Variants in TYR observed in about 807,000 individuals in gnomAD.
TYR encodes the protein LB24-AB.
In TYR, 58 loss-of-function variants were observed where a neutral mutation model predicts 51.5. The observed-to-expected ratio is 1.13, with a 90% CI of 0.91 to 1.40. The LOEUF (loss-of-function observed/expected upper bound fraction) is 1.40, where lower values mean the gene tolerates loss of function less well. Ranked by LOEUF, TYR falls within the 40% of genes most tolerant of loss-of-function variation. The pLI is 0.00. For missense variants in TYR, 732 were observed against 647.4 expected, an observed-to-expected ratio of 1.13 and a Z score of -1.42; for synonymous variants, 263 against 235.2, an observed-to-expected ratio of 1.12 and a Z score of -1.08.
intron 3 of TYR, among the ~76,000 whole-genome samples, chr11:89,251,132 A>G (rs1944326710): frequency 6.6e-6 from 1 of 151,970 alleles, no homozygotes; most frequent in African/African-American, 2.4e-5. Context: ...CAGGTACTAT[A>G]AAACATATGG....
Position 89,249,288 on chromosome 11 carries a change from A to G in TYR, c.1184+21318A>G, listed in dbSNP as rs143363423. ...AATTATTTAGCATTATTTAAAATCA[A>G]TGGAGTGAATGAGGTCACAGAAATT... On this transcript the variant is annotated intron_variant, in intron 3 of 4. Transcript: ENST00000263321. 5.9e-3 allele frequency among the ~76,000 whole-genome samples: 893 copies of G among 152,098 alleles called. 8 individuals carry two copies. The highest frequency in any genetic ancestry group is 0.02 in the African/African-American group (829 of 41,530).
chr11:89,191,319 CCCTCTTCAG>C lies in TYR; in HGVS notation c.939_947del (p.Ser314_Ala316del). 1 of 1,613,726 alleles carries C rather than the reference CCCTCTTCAG, an allele frequency of 6.2e-7. No individual in the cohort carries two copies. Among genetic ancestry groups the C allele is most frequent in the African/African-American group, 1.3e-5 (1 of 74,982 alleles). ...TGACAAATCCAGAACCCCAAGGCTC[CCCTCTTCAG>C]CTGATGTAGAATTTTGCCTGAGTTT... On this transcript the variant is annotated inframe_deletion, in exon 2 of 5. Transcript: ENST00000263321.
At chr11:89,263,492 A>G (rs1944487103) in intron 3 of TYR, among the ~76,000 whole-genome samples, 1 of 152,070 alleles carries the variant, frequency 6.6e-6, no homozygotes, top group African/African-American at 2.4e-5. Flanking sequence ...TCTGTTTCAC[A>G]TTGTATCGAA....
chr11:89,268,940 A>T (rs1002994204), intron 3 of TYR, among the ~76,000 whole-genome samples: 2 of 151,720 alleles, frequency 1.3e-5, no homozygotes, highest in Admixed American at 1.3e-4. Flanking sequence ...TTTAAATACC[A>T]CTTTCTCGTT....
At chr11:89,184,289 G>C (rs575242558) in intron 1 of TYR, among the ~76,000 whole-genome samples, 4 of 152,202 alleles carry the variant, frequency 2.6e-5, no homozygotes, top group Admixed American at 2.6e-4. Context: ...TTGGCTGTAG[G>C]AGTCTTTAAG....
chr11:89,252,996 T>G (rs1284852020), intron 3 of TYR, among the ~76,000 whole-genome samples: 1 of 151,754 alleles, frequency 6.6e-6, no homozygotes, highest in East Asian at 1.9e-4. Context: ...TGATCCCAAA[T>G]CCAGGTTAAT....
rs1175871345 is a variant in TYR at position 89,233,442 on chromosome 11, C to T, written c.1184+5472C>T. 1.4e-5 allele frequency among the ~76,000 whole-genome samples: 2 copies of T among 138,978 alleles called. 1 individual carries two copies. The highest frequency in any genetic ancestry group is 5.7e-5 in the African/African-American group (2 of 34,866). 91.2% of individuals were successfully genotyped at this position (138,978 alleles called of 152,430 possible). ...TTAACGTTAATATTTTGTTCTCCTT[C>T]CATGAATCAGAAATGTTCTTAATGG... is the stretch of plus-strand genomic sequence containing the variant. On this transcript the variant is annotated intron_variant, in intron 3 of 4. Coordinates refer to ENST00000263321, the MANE Select transcript of TYR (RefSeq NM_000372.5).
At chr11:89,242,531 A>C (rs1293488704) in intron 3 of TYR, among the ~76,000 whole-genome samples, 1 of 152,098 alleles carries the variant, frequency 6.6e-6, no homozygotes, top group Non-Finnish European at 1.5e-5. Context: ...TTTATAGCAC[A>C]TAGACCTGCT....
chr11:89,279,654 C>T (rs560665759), intron 3 of TYR, among the ~76,000 whole-genome samples: 2 of 151,754 alleles, frequency 1.3e-5, no homozygotes, highest in Admixed American at 1.3e-4. Context: ...GAGTGTTGGC[C>T]ATGACCCTTA....
rs188976343 is a variant in TYR, at chr11:89,237,025, C to T, written c.1184+9055C>T. On this transcript the variant is annotated intron_variant, in intron 3 of 4. Coordinates refer to ENST00000263321, the MANE Select transcript of TYR (RefSeq NM_000372.5). ...CACCATGAAATTGGCAAATGGTACA[C>T]GTCAGGGCTTTTATTCCAAAAGACC... 1.2e-3 allele frequency among the ~76,000 whole-genome samples: 187 copies of T among 152,232 alleles called. 1 individual carries two copies. Among genetic ancestry groups the T allele is most frequent in the Non-Finnish European group, 1.9e-3 (131 of 68,002 alleles).
chr11:89,216,647 C>CAAAAAAAAAAAAGAAA (rs1943836302), intron 2 of TYR, among the ~76,000 whole-genome samples: 1 of 80,806 alleles, frequency 1.2e-5, no homozygotes, highest in Non-Finnish European at 2.4e-5. Context: ...TTTTCCATCT[C>CAAAAAAAAAAAAGAAA]AAAAAAAAAA....
chr11:89,278,346 A>T (rs1944680472), intron 3 of TYR, among the ~76,000 whole-genome samples: 1 of 151,604 alleles, frequency 6.6e-6, no homozygotes, highest in Admixed American at 6.6e-5. Flanking sequence ...TATCTCCACC[A>T]CTAGACTCCA....
chr11:89,241,975 C>T (rs946028684), intron 3 of TYR, among the ~76,000 whole-genome samples: 11 of 151,748 alleles, frequency 7.2e-5, no homozygotes, highest in South Asian at 2.1e-4. Flanking sequence ...GATGATACCA[C>T]GTTTTGAACC....
intron 4 of TYR, among the ~76,000 whole-genome samples, chr11:89,286,318 T>C (rs1367563715): frequency 1.3e-5 from 2 of 151,852 alleles, no homozygotes; most frequent in African/African-American, 4.8e-5. Flanking sequence ...ATTATTCTAT[T>C]TGAGTAGTAT....
At chr11:89,205,397 AG>A (rs1227287308) in intron 2 of TYR, among the ~76,000 whole-genome samples, 1 of 152,192 alleles carries the variant, frequency 6.6e-6, no homozygotes, top group Non-Finnish European at 1.5e-5. Flanking sequence ...TACAAATTAA[AG>A]AATCAGAGTT....
intron 2 of TYR, among the ~76,000 whole-genome samples, chr11:89,223,824 C>A (rs1161967772): frequency 1.3e-5 from 2 of 151,564 alleles, no homozygotes; most frequent in African/African-American, 2.4e-5. Context: ...TACAAAGAAT[C>A]TTGGTTCAAC....
rs970126096 is a variant in TYR, at chr11:89,212,465, A to T, written c.1037-15358A>T. Among the ~76,000 whole-genome samples the T allele has an allele frequency of 4.6e-5, 7 of 152,334 alleles. No individual in the cohort carries two copies. The South Asian group carries it at 1.4e-3, about 32-fold the overall frequency. The stretch of plus-strand genomic sequence containing the variant: ...AATTAATAGCCTACCAACTAAAAAA[A>T]GTCCAGGATCAGATGGATTCACAGC... On this transcript the variant is annotated intron_variant, in intron 2 of 4. Coordinates refer to ENST00000263321, the MANE Select transcript of TYR (RefSeq NM_000372.5).
At chr11:89,249,454 C>T (rs1344815578) in intron 3 of TYR, among the ~76,000 whole-genome samples, 1 of 98,394 alleles carries the variant, frequency 1.0e-5, no homozygotes, top group Non-Finnish European at 2.0e-5. Context: ...GACATTAAGC[C>T]ACAAAAGCCA....
chr11:89,232,004 A>AAATTAAG (rs1944057205), intron 3 of TYR, among the ~76,000 whole-genome samples: 1 of 141,018 alleles, frequency 7.1e-6, no homozygotes, highest in East Asian at 2.0e-4. Context: ...AAAAAAAAGT[A>AAATTAAG]AATTAAGAGA....
Sources: allele counts gnomAD v4.1 joint callset (sites outside exome capture counted in the v4.1 genomes callset), GRCh38; gene constraint gnomAD v4.1.1; transcripts MANE v1.5; gene names NCBI Gene and HGNC (gene_info 2026-07-23, HGNC 2026-07-21).